The following CPNE4 variants were observed in gnomAD, a reference collection of about 807,000 sequenced individuals.
The protein encoded by CPNE4 is copine 4, also known as copine-4.
Under a neutral mutation model 67.9 loss-of-function variants are expected in CPNE4, and 25 were observed. The observed-to-expected ratio is 0.37, with a 90% CI of 0.27 to 0.51. The LOEUF (loss-of-function observed/expected upper bound fraction) is 0.51, where lower values mean the gene tolerates loss of function less well. Among genes scored for constraint, CPNE4 ranks in the 20% least tolerant of loss-of-function variants. CPNE4 has a pLI of 0.93. For missense variants in CPNE4, 464 were observed against 690.8 expected (o/e 0.67, Z 3.68); for synonymous variants, 242 against 244.9 (o/e 0.99, Z 0.11).
chr3:131,806,413 A>G (rs2084311694), intron 2 of CPNE4, among the ~76,000 whole-genome samples: 1 of 151,432 alleles, frequency 6.6e-6, no homozygotes, highest in African/African-American at 2.4e-5. Flanking sequence ...AGCCGGGCAT[A>G]GTGGCGGGCG....
At chr3:131,877,840 T>C (rs549211401) in intron 2 of CPNE4, among the ~76,000 whole-genome samples, 2 of 152,298 alleles carry the variant, frequency 1.3e-5, no homozygotes, top group Non-Finnish European at 2.9e-5. Flanking sequence ...CAGAGGTATG[T>C]CACAAAATAG....
chr3:131,821,876 A>T lies in CPNE4; in HGVS notation c.180+83388T>A, dbSNP rs533607272. Among the ~76,000 whole-genome samples, 4 of 152,260 alleles carry T rather than the reference A, an allele frequency of 2.6e-5. No individual in the cohort carries two copies. The East Asian group carries it at 7.7e-4, about 29-fold the overall frequency. ...TTATGCCTCCCATTTATATTTGATAAACTCCTTTGAACAATAGGAAAACTT... is the reference window on the plus strand; with the variant it reads ...TTATGCCTCCCATTTATATTTGATATACTCCTTTGAACAATAGGAAAACTT... On this transcript the variant is annotated intron_variant, in intron 2 of 15. Transcript: ENST00000429747.
At chr3:131,797,903 C>T (rs1462524701) in intron 2 of CPNE4, among the ~76,000 whole-genome samples, 1 of 152,156 alleles carries the variant, frequency 6.6e-6, no homozygotes, top group Non-Finnish European at 1.5e-5. Flanking sequence ...TTTAAATTTA[C>T]ACATACTCTG....
At chr3:131,591,437 C>G (rs1343473575) in intron 7 of CPNE4, among the ~76,000 whole-genome samples, 1 of 152,102 alleles carries the variant, frequency 6.6e-6, no homozygotes, top group Admixed American at 6.5e-5. Context: ...CCTTCATTGC[C>G]CTCCATTAGA....
At chr3:131,814,277 T>C (rs2084644632) in intron 2 of CPNE4, among the ~76,000 whole-genome samples, 1 of 152,182 alleles carries the variant, frequency 6.6e-6, no homozygotes, top group Non-Finnish European at 1.5e-5. Flanking sequence ...CTCTTCATTG[T>C]AGCAACTCAA....
chr3:131,717,525 A>T (rs1186974782), intron 3 of CPNE4, among the ~76,000 whole-genome samples: 1 of 152,198 alleles, frequency 6.6e-6, no homozygotes, highest in Non-Finnish European at 1.5e-5. Context: ...AATTCTCCAC[A>T]GATATCTGCA....
At chr3:131,833,785 T>C (rs766328944) in intron 2 of CPNE4, among the ~76,000 whole-genome samples, 8 of 152,164 alleles carry the variant, frequency 5.3e-5, no homozygotes, top group Non-Finnish European at 1.2e-4. Context: ...CACCACCAAC[T>C]CATCAAGAAC....
chr3:132,035,215 C>T (rs1376979962), upstream of CPNE4: 6 of 180,844 alleles, frequency 3.3e-5, no homozygotes, highest in Admixed American at 2.6e-4. Flanking sequence ...CTCAACTGAG[C>T]TCCTGGGGAC....
Position 131,685,919 on chromosome 3 carries a change from G to A in CPNE4, c.547C>T (p.Arg183Cys), listed in dbSNP as rs1330733089. The A allele has an allele frequency of 1.2e-6, 2 of 1,612,986 alleles. No homozygotes were observed. Among genetic ancestry groups the A allele is most frequent in the Non-Finnish European group, 1.7e-6 (2 of 1,179,118 alleles). ...TGCTGAGTTGCATCATCATTCATAC[G>A]AAAAATTTCCAGAAATGGGTCAGAT... is the stretch of plus-strand genomic sequence containing the variant. ...SKSDPFLEIF[R>C]MNDDATQQLV... is the part of the protein sequence containing the mutation. Residue 183 changes from arginine (R) to cysteine (C), a missense_variant, in exon 6 of 16, where the codon CGT becomes TGT. Physicochemically the swap from Arg to Cys is radical, Grantham distance 180. Transcript: ENST00000429747.
chr3:131,767,857 A>G lies in CPNE4; in HGVS notation c.181-44232T>C, dbSNP rs556846110. On this transcript the variant is annotated intron_variant, in intron 2 of 15. Coordinates refer to ENST00000429747, the MANE Select transcript of CPNE4 (RefSeq NM_130808.3). The stretch of plus-strand genomic sequence containing the variant: ...TGCATCCATAAAGCCAAGTACCCTT[A>G]CCACACAGAGCCTACACCCTGGTAT... 2.6e-5 allele frequency among the ~76,000 whole-genome samples: 4 copies of G among 151,956 alleles called. No homozygotes were observed. In the South Asian group the frequency reaches 6.3e-4, roughly 24 times the overall value.
chr3:131,822,924 T>C (rs2085012534), intron 2 of CPNE4, among the ~76,000 whole-genome samples: 2 of 152,122 alleles, frequency 1.3e-5, no homozygotes, highest in African/African-American at 4.8e-5. Flanking sequence ...CTGCAACCTC[T>C]GTCTCCTGGG....
chr3:131,907,123 T>A (rs1231920946), intron 1 of CPNE4, among the ~76,000 whole-genome samples: 3 of 152,090 alleles, frequency 2.0e-5, no homozygotes, highest in Admixed American at 6.6e-5. Context: ...CCATGTGATA[T>A]CCTTTATAAT....
At chr3:131,738,730 T>C (rs560155700) in intron 2 of CPNE4, among the ~76,000 whole-genome samples, 37 of 152,390 alleles carry the variant, frequency 2.4e-4, no homozygotes, top group African/African-American at 8.4e-4. Context: ...GGATTATCCA[T>C]GGTTCACTTG....
At chr3:131,842,688 C>G (rs758088361) in intron 2 of CPNE4, among the ~76,000 whole-genome samples, 44 of 146,584 alleles carry the variant, frequency 3.0e-4, no homozygotes, top group Non-Finnish European at 5.9e-4. Flanking sequence ...TCCATCACCA[C>G]CAATCAGAAA....
intron 1 of CPNE4, among the ~76,000 whole-genome samples, chr3:131,918,818 A>T (rs185791940): frequency 2.0e-5 from 3 of 152,356 alleles, no homozygotes; most frequent in Admixed American, 2.0e-4. Flanking sequence ...AAATTATTTA[A>T]TCACAAAAAC....
intron 1 of CPNE4, among the ~76,000 whole-genome samples, chr3:131,977,742 A>T (rs2072703177): frequency 6.6e-6 from 1 of 151,874 alleles, no homozygotes; most frequent in African/African-American, 2.4e-5. Flanking sequence ...TACATGAGTA[A>T]GTTCTTTAGT....
chr3:131,580,525 C>G (rs1053952328), intron 9 of CPNE4, among the ~76,000 whole-genome samples: 1 of 151,824 alleles, frequency 6.6e-6, no homozygotes, highest in Admixed American at 6.6e-5. Context: ...ACACAACAAT[C>G]ATCTGGATAG....
intron 11 of CPNE4, among the ~76,000 whole-genome samples, chr3:131,562,490 C>T (rs57424860): frequency 0.027 from 4,153 of 152,114 alleles, 62 homozygotes; most frequent in Middle Eastern, 0.051. Context: ...AGTGCATTTA[C>T]CTACTTTATC....
chr3:131,643,278 G>A (rs2079582057), intron 7 of CPNE4, among the ~76,000 whole-genome samples: 4 of 152,162 alleles, frequency 2.6e-5, no homozygotes, highest in Admixed American at 2.0e-4. Context: ...CTGGTGGAAG[G>A]TATCTGGATG....
Sources: gnomAD v4.1 joint callset for allele counts (sites outside exome capture counted in the v4.1 genomes callset) on GRCh38, gnomAD v4.1.1 for gene constraint, MANE v1.5 for transcripts, NCBI Gene and HGNC (gene_info 2026-07-23, HGNC 2026-07-21) for gene names.